Variants in TIAM1 observed in about 807,000 individuals in gnomAD.
TIAM1 encodes the protein rho guanine nucleotide exchange factor TIAM1.
TIAM1 carries 65 observed loss-of-function variants against 163.5 expected under a neutral mutation model. The ratio of observed to expected loss-of-function variants is 0.40; its 90% confidence interval spans 0.33 to 0.49. The LOEUF (loss-of-function observed/expected upper bound fraction) is 0.49, where lower values mean the gene tolerates loss of function less well. Among genes scored for constraint, TIAM1 ranks in the 20% least tolerant of loss-of-function variants. TIAM1 has a pLI of 0.77. For synonymous variants in TIAM1, 833 were observed against 810.1 expected (o/e 1.03, Z -0.48); for missense variants, 1,789 against 2,044.7 (o/e 0.87, Z 2.41).
Position 31,266,425 on chromosome 21 carries a change from A to G in TIAM1, c.548T>C (p.Phe183Ser). The G allele has an allele frequency of 6.2e-7, 1 of 1,614,186 alleles. No homozygotes were observed. The highest frequency in any genetic ancestry group is 2.2e-5 in the East Asian group (1 of 44,882). ...ADIWREDSLE[F>S]SLSDLSQEHL... ...TTCTTGGCTCAGATCAGAGAGTGAG[A>G]ATTCCAGGCTGTCCTCCCGCCAGAT... Residue 183 changes from phenylalanine (F) to serine (S), a missense_variant, in exon 4 of 28, where the codon TTC becomes TCC. Physicochemically the swap from Phe to Ser is radical, Grantham distance 155. Coordinates refer to ENST00000541036, the MANE Select transcript of TIAM1 (RefSeq NM_001353694.2).
At chr21:31,466,005 C>T (rs890946444) in intron 1 of TIAM1, among the ~76,000 whole-genome samples, 2 of 152,222 alleles carry the variant, frequency 1.3e-5, no homozygotes, top group East Asian at 1.9e-4. Context: ...GGCGCCCGGC[C>T]TTCTTACAGG....
intron 2 of TIAM1, among the ~76,000 whole-genome samples, chr21:31,397,575 C>T (rs865886951): frequency 6.6e-6 from 1 of 152,162 alleles, no homozygotes; most frequent in Non-Finnish European, 1.5e-5. Context: ...CCAATATCCC[C>T]GCGCCAGAAA....
intron 2 of TIAM1, among the ~76,000 whole-genome samples, chr21:31,383,575 C>T (rs1015695294): frequency 6.6e-6 from 1 of 152,180 alleles, no homozygotes; most frequent in African/African-American, 2.4e-5. Flanking sequence ...GCTTGTCCAC[C>T]AACACTGTAC....
intron 15 of TIAM1, among the ~76,000 whole-genome samples, chr21:31,178,612 T>G (rs911051792): frequency 1.3e-5 from 2 of 151,242 alleles, no homozygotes; most frequent in Non-Finnish European, 2.9e-5. Context: ...GGCCAGGAAT[T>G]CTTCTGAAAT....
intron 2 of TIAM1, among the ~76,000 whole-genome samples, chr21:31,428,542 T>C (rs1205744054): frequency 3.9e-5 from 6 of 152,136 alleles, no homozygotes; most frequent in Admixed American, 3.9e-4. Context: ...CACACAACTC[T>C]TCCCTTTAAA....
At chr21:31,491,893 C>G (rs980504222) in intron 1 of TIAM1, among the ~76,000 whole-genome samples, 1 of 152,170 alleles carries the variant, frequency 6.6e-6, no homozygotes, top group Non-Finnish European at 1.5e-5. Flanking sequence ...AAGAATTTCA[C>G]GTAGGACTCT....
At chr21:31,234,343 G>A (rs1237964085) in intron 6 of TIAM1, among the ~76,000 whole-genome samples, 1 of 131,292 alleles carries the variant, frequency 7.6e-6, no homozygotes, top group Non-Finnish European at 1.6e-5. Context: ...AGGGAAGGAG[G>A]AAGGGAGAGA....
intron 1 of TIAM1, among the ~76,000 whole-genome samples, chr21:31,552,775 A>C (rs2048737277): frequency 1.3e-5 from 2 of 152,140 alleles, no homozygotes; most frequent in African/African-American, 4.8e-5. Flanking sequence ...TATCTCCAAA[A>C]AGAAAAAAAG....
intron 10 of TIAM1, 69 bp from the exon 11 acceptor site, chr21:31,210,284 C>T (rs1056287802): frequency 3.3e-6 from 5 of 1,526,956 alleles, no homozygotes; most frequent in Middle Eastern, 3.5e-4. Flanking sequence ...TCCCAGACTG[C>T]ACACAGGAAT....
rs768613628 is a variant in TIAM1 at position 31,120,719 on chromosome 21, G to A, written c.4425C>T (p.Pro1475=). The change falls in exon 28 of 28, where the codon CCC becomes CCT. Residue 1475 remains proline, a synonymous_variant. Coordinates refer to ENST00000541036, the MANE Select transcript of TIAM1 (RefSeq NM_001353694.2). This position sits in a 1 kb window ranked among gnomAD's most constrained non-coding sequence, Gnocchi z 4.2. The part of the protein sequence containing the change: ...SSPEKESQQP[P]GGGDTDRWVE... ...CCCATCGGTCAGTGTCCCCACCACC[G>A]GGGGGCTGCTGGGACTCTTTCTCCG... 1.4e-5 allele frequency: 23 copies of A among 1,612,658 alleles called. No individual in the cohort carries two copies. The highest frequency in any genetic ancestry group is 5.0e-5 in the Admixed American group (3 of 59,984).
chr21:31,316,874 GC>G (rs1201303898), intron 2 of TIAM1, among the ~76,000 whole-genome samples: 1 of 152,136 alleles, frequency 6.6e-6, no homozygotes, highest in Non-Finnish European at 1.5e-5. Flanking sequence ...GAAAGATCCT[GC>G]CCCCCAGGGA....
intron 2 of TIAM1, among the ~76,000 whole-genome samples, chr21:31,393,411 C>T (rs1427106225): frequency 6.6e-6 from 1 of 152,200 alleles, no homozygotes; most frequent in Non-Finnish European, 1.5e-5. Context: ...CATTACTATT[C>T]CATGAGCTCA....
intron 1 of TIAM1, among the ~76,000 whole-genome samples, chr21:31,525,310 A>G (rs2047740811): frequency 6.6e-6 from 1 of 151,340 alleles, no homozygotes; most frequent in Non-Finnish European, 1.5e-5. Flanking sequence ...TAGAGGTTGC[A>G]GTGAGCTGAG....
At chr21:31,254,876 C>T (rs1036622894) in intron 4 of TIAM1, among the ~76,000 whole-genome samples, 2 of 152,126 alleles carry the variant, frequency 1.3e-5, no homozygotes, top group East Asian at 1.9e-4. Context: ...TAAGGAAAAG[C>T]GAGGCAGAAA....
intron 1 of TIAM1, among the ~76,000 whole-genome samples, chr21:31,343,544 G>A (rs528112468): frequency 2.0e-5 from 3 of 152,088 alleles, no homozygotes; most frequent in African/African-American, 7.2e-5. Flanking sequence ...ACCTAGAGTC[G>A]AACTAATTTA....
intron 1 of TIAM1, among the ~76,000 whole-genome samples, chr21:31,544,547 G>A (rs2048426124): frequency 6.6e-6 from 1 of 152,086 alleles, no homozygotes; most frequent in East Asian, 1.9e-4. Flanking sequence ...AGAATCACTT[G>A]AACCCCGGTG....
chr21:31,512,832 C>T (rs562271991), intron 1 of TIAM1, among the ~76,000 whole-genome samples: 2 of 151,654 alleles, frequency 1.3e-5, no homozygotes, highest in Non-Finnish European at 2.9e-5. Context: ...TTGGTAGAGA[C>T]GGGATTTCAC....
At chr21:31,335,737 G>A (rs551928889) in intron 2 of TIAM1, among the ~76,000 whole-genome samples, 2 of 151,560 alleles carry the variant, frequency 1.3e-5, no homozygotes, top group Admixed American at 6.6e-5. Flanking sequence ...AAACTCAAGA[G>A]TCTCCAAATT....
intron 4 of TIAM1, among the ~76,000 whole-genome samples, chr21:31,255,589 G>A (rs1182826790): frequency 6.6e-6 from 1 of 152,190 alleles, no homozygotes; most frequent in Admixed American, 6.5e-5. Flanking sequence ...CCAGCAGTGA[G>A]GAATACAGAA....
Sources: gnomAD v4.1 joint callset for allele counts (sites outside exome capture counted in the v4.1 genomes callset) on GRCh38, gnomAD v4.1.1 for gene constraint, Gnocchi (gnomAD v3.1) non-coding constraint, MANE v1.5 for transcripts, NCBI Gene and HGNC (gene_info 2026-07-23, HGNC 2026-07-21) for gene names.